Variants in SDK1 observed in about 807,000 individuals in gnomAD.
SDK1 encodes the protein protein sidekick-1.
Under a neutral mutation model 245.5 loss-of-function variants are expected in SDK1, and 157 were observed. That is an observed-to-expected ratio of 0.64 (90% CI 0.56 to 0.73). The LOEUF (loss-of-function observed/expected upper bound fraction) is 0.73, where lower values mean the gene tolerates loss of function less well. SDK1 is among the 30% of genes least tolerant of loss of function. SDK1 has a pLI of 0.00. For missense variants in SDK1, 3,583 were observed against 3,002.3 expected (o/e 1.19, Z -4.52); for synonymous variants, 1,647 against 1,278.5 (o/e 1.29, Z -6.15).
At chr7:3,729,281 A>T (rs1256663416) in intron 4 of SDK1, among the ~76,000 whole-genome samples, 1 of 152,246 alleles carries the variant, frequency 6.6e-6, no homozygotes, top group Non-Finnish European at 1.5e-5. Flanking sequence ...ATGAAGGTCT[A>T]TTCTCATTCT....
intron 5 of SDK1, among the ~76,000 whole-genome samples, chr7:3,948,251 CTTTTTT>C (rs34746302): frequency 7.5e-5 from 6 of 79,668 alleles, no homozygotes; most frequent in South Asian, 5.0e-4. Flanking sequence ...ATCACCATTG[CTTTTTT>C]TTTTTTTTTT....
chr7:3,347,124 G>C (rs955875070), intron 1 of SDK1, among the ~76,000 whole-genome samples: 3 of 151,618 alleles, frequency 2.0e-5, no homozygotes, highest in Non-Finnish European at 4.4e-5. Context: ...CCCTCTGCTT[G>C]CTTTCACTGC....
chr7:4,193,370 ATT>A (rs35464714), intron 35 of SDK1, among the ~76,000 whole-genome samples: 4 of 57,840 alleles, frequency 6.9e-5, no homozygotes, highest in East Asian at 1.0e-3. Flanking sequence ...ATATTAAAAT[ATT>A]TATATATATA....
rs140458360 is a variant in SDK1 at position 3,417,900 on chromosome 7, G to A, written c.298+116016G>A. ...CAAAGAATAGTTTTAGTAAGGTGGT[G>A]GGGACGGAAGTGAGTTTGCAAAGTA... On this transcript the variant is annotated intron_variant, in intron 1 of 44. Coordinates refer to ENST00000404826, the MANE Select transcript of SDK1 (RefSeq NM_152744.4). 3.3e-5 allele frequency among the ~76,000 whole-genome samples: 5 copies of A among 152,200 alleles called. No individual in the cohort carries two copies. In the East Asian group the frequency reaches 9.6e-4, roughly 29 times the overall value.
intron 17 of SDK1, among the ~76,000 whole-genome samples, chr7:4,044,593 G>A (rs1437508653): frequency 6.6e-6 from 1 of 151,978 alleles, no homozygotes; most frequent in Non-Finnish European, 1.5e-5. Context: ...ACAGGTGCAT[G>A]CCACCATGCC....
At chr7:3,809,619 A>G (rs115730649) in intron 4 of SDK1, among the ~76,000 whole-genome samples, 112 of 152,348 alleles carry the variant, frequency 7.4e-4, no homozygotes, top group African/African-American at 2.6e-3. Flanking sequence ...AGCATTTCAA[A>G]AAGCAGTTCA....
chr7:3,448,256 A>G (rs978636753), intron 1 of SDK1, among the ~76,000 whole-genome samples: 1 of 152,136 alleles, frequency 6.6e-6, no homozygotes, highest in African/African-American at 2.4e-5. Flanking sequence ...CATTTGCTGA[A>G]TATTGGTGAA....
intron 1 of SDK1, among the ~76,000 whole-genome samples, chr7:3,349,910 C>T (rs1780613155): frequency 1.3e-5 from 2 of 152,142 alleles, no homozygotes. Flanking sequence ...CCTAAGAGTA[C>T]ATGTATCTTA....
At chr7:4,161,325 C>G (rs1474000224) in intron 31 of SDK1, among the ~76,000 whole-genome samples, 1 of 152,230 alleles carries the variant, frequency 6.6e-6, no homozygotes, top group African/African-American at 2.4e-5. Flanking sequence ...AATCAATCTC[C>G]TTTCCTGACA....
chr7:3,584,881 A>G (rs112168930), intron 1 of SDK1, among the ~76,000 whole-genome samples: 1 of 151,852 alleles, frequency 6.6e-6, no homozygotes, highest in South Asian at 2.1e-4. Flanking sequence ...CTGCCATCAC[A>G]CCTGGCTAAT....
At chr7:4,108,722 C>T (rs1180288338) in intron 22 of SDK1, among the ~76,000 whole-genome samples, 1 of 152,120 alleles carries the variant, frequency 6.6e-6, no homozygotes, top group African/African-American at 2.4e-5. Context: ...GAATACCATT[C>T]ACAACTTAGT....
intron 22 of SDK1, among the ~76,000 whole-genome samples, chr7:4,088,919 C>G (rs1380880181): frequency 6.6e-6 from 1 of 152,062 alleles, no homozygotes; most frequent in East Asian, 1.9e-4. Flanking sequence ...AATGAGGTCA[C>G]TCAGGCGGAG....
At chr7:3,583,172 C>T (rs935499790) in intron 1 of SDK1, among the ~76,000 whole-genome samples, 17 of 152,150 alleles carry the variant, frequency 1.1e-4, no homozygotes, top group Admixed American at 9.8e-4. Context: ...TGCAGCAGCT[C>T]GACCTTGTTT....
In SDK1 at chr7:3,904,445, G is replaced by A. The variant is rs918818073; in HGVS notation, c.848-46478G>A. Among the ~76,000 whole-genome samples, 11 of 152,114 alleles carry A rather than the reference G, an allele frequency of 7.2e-5. No homozygotes were observed. The South Asian group carries it at 2.3e-3, about 31-fold the overall frequency. On this transcript the variant is annotated intron_variant, in intron 5 of 44. Transcript: ENST00000404826. Reference sequence around the variant, plus strand: ...TGGTGCAGTGACTCACACCTGTAATGCACTTTGGGAGGCTGAGGTGGGAGG... The same window carrying A: ...TGGTGCAGTGACTCACACCTGTAATACACTTTGGGAGGCTGAGGTGGGAGG...
chr7:3,479,559 A>G (rs191841884), intron 1 of SDK1, among the ~76,000 whole-genome samples: 1 of 151,872 alleles, frequency 6.6e-6, no homozygotes, highest in African/African-American at 2.4e-5. Context: ...AATTAGTGAG[A>G]TATGTTAAAA....
chr7:3,455,739 A>G (rs568611363), intron 1 of SDK1, among the ~76,000 whole-genome samples: 2 of 152,180 alleles, frequency 1.3e-5, no homozygotes, highest in East Asian at 3.9e-4. Context: ...TTCTCTGTCA[A>G]GATTGTTTTA....
intron 42 of SDK1, among the ~76,000 whole-genome samples, chr7:4,239,433 T>A: frequency 6.6e-6 from 1 of 152,256 alleles, no homozygotes; most frequent in East Asian, 1.9e-4. Flanking sequence ...TTAGCATAGC[T>A]TGTGCATTTG....
chr7:3,781,937 A>G (rs939187821), intron 4 of SDK1, among the ~76,000 whole-genome samples: 1 of 152,226 alleles, frequency 6.6e-6, no homozygotes, highest in African/African-American at 2.4e-5. Flanking sequence ...TCAAGAGATG[A>G]CACCTTTGTA....
At chr7:3,794,934 T>TAA (rs147994533) in intron 4 of SDK1, among the ~76,000 whole-genome samples, 4 of 147,314 alleles carry the variant, frequency 2.7e-5, no homozygotes, top group African/African-American at 4.9e-5. Flanking sequence ...GCTTTTTATT[T>TAA]AAAAAAAAAA....
Sources: allele counts gnomAD v4.1 joint callset (sites outside exome capture counted in the v4.1 genomes callset), GRCh38; gene constraint gnomAD v4.1.1; transcripts MANE v1.5; gene names NCBI Gene and HGNC (gene_info 2026-07-23, HGNC 2026-07-21).